The following C2CD3 variants were observed in gnomAD, a reference collection of about 807,000 sequenced individuals.
C2CD3 encodes the protein C2 domain-containing protein 3.
A neutral mutation model predicts 234.0 loss-of-function variants in C2CD3; 148 were observed. The ratio of observed to expected loss-of-function variants is 0.63; its 90% CI spans 0.55 to 0.72. The LOEUF (loss-of-function observed/expected upper bound fraction) is 0.72, where lower values mean the gene tolerates loss of function less well. Among genes scored for constraint, C2CD3 ranks in the 30% least tolerant of loss-of-function variants. C2CD3 has a pLI of 0.00. For synonymous variants in C2CD3, 1,000 were observed against 1,035.4 expected (o/e 0.97, Z 0.66); for missense variants, 2,577 against 2,811.5 (o/e 0.92, Z 1.89).
At chr11:74,131,245 C>T (rs1199451387) in intron 7 of C2CD3, among the ~76,000 whole-genome samples, 1 of 150,878 alleles carries the variant, frequency 6.6e-6, no homozygotes, top group African/African-American at 2.4e-5. Context: ...ATCACTTGAA[C>T]CCAGGAGGCA....
At chr11:74,123,543 G>T (rs1957294107) in intron 7 of C2CD3, among the ~76,000 whole-genome samples, 1 of 152,040 alleles carries the variant, frequency 6.6e-6, no homozygotes. Context: ...AAAATTCACA[G>T]ATACACCCAC....
chr11:74,015,712 T>G (rs1951854378), intron 32 of C2CD3, among the ~76,000 whole-genome samples: 1 of 152,172 alleles, frequency 6.6e-6, no homozygotes, highest in Non-Finnish European at 1.5e-5. Flanking sequence ...TTAGAGAGAC[T>G]TAGATGAGTC....
At chr11:74,048,115 C>T in intron 28 of C2CD3, 90 bp downstream of exon 28, 2 of 1,378,974 alleles carry the variant, frequency 1.5e-6, no homozygotes, top group Non-Finnish European at 2.0e-6. Flanking sequence ...TTGTTTTTTC[C>T]TCTAATAAAG....
intron 24 of C2CD3, among the ~76,000 whole-genome samples, chr11:74,059,791 TG>T (rs1251989942): frequency 2.0e-5 from 3 of 152,102 alleles, no homozygotes; most frequent in Admixed American, 6.5e-5. Context: ...TATCAGACAG[TG>T]GGTGCAGCCC....
At chr11:74,084,855 A>C in intron 22 of C2CD3, 26 bp downstream of exon 22, 1 of 1,387,632 alleles carries the variant, frequency 7.2e-7, no homozygotes, top group Non-Finnish European at 1.0e-6. Context: ...GGGTGGCATC[A>C]GAAAGTGATA....
chr11:74,051,681 G>A (rs1325354946), intron 26 of C2CD3, among the ~76,000 whole-genome samples: 1 of 152,114 alleles, frequency 6.6e-6, no homozygotes, highest in Non-Finnish European at 1.5e-5. Context: ...GTTCAGGTGT[G>A]CTCCAGGAAG....
chr11:74,106,838 G>A (rs1024628218), intron 12 of C2CD3, among the ~76,000 whole-genome samples: 2 of 152,172 alleles, frequency 1.3e-5, no homozygotes, highest in East Asian at 1.9e-4. Flanking sequence ...TAAAACTAGG[G>A]AAATTGTAAA....
chr11:74,056,346 A>G (rs1482627735), intron 25 of C2CD3, among the ~76,000 whole-genome samples: 4 of 152,250 alleles, frequency 2.6e-5, no homozygotes, highest in African/African-American at 9.6e-5. Context: ...ATGGCTTCCT[A>G]TGCCAGCCCC....
At chr11:74,053,690 G>C (rs116746964) in intron 26 of C2CD3, among the ~76,000 whole-genome samples, 4 of 152,206 alleles carry the variant, frequency 2.6e-5, no homozygotes, top group African/African-American at 7.2e-5. Flanking sequence ...ATACAAACGT[G>C]GGGGGAAGCC....
rs750071441 is a variant in C2CD3, at chr11:74,138,786, C to T, written c.889G>A (p.Ala297Thr). ...ATGCATGAGTCACTGTGACTCTTGGCAACTGTTCTAATTTGAGGCTGGAAT... is the reference window on the plus strand; with the variant it reads ...ATGCATGAGTCACTGTGACTCTTGGTAACTGTTCTAATTTGAGGCTGGAAT... ...SEFQPQIRTV[A>T]KSHSDSCILS... is the part of the protein sequence containing the mutation. Residue 297 changes from alanine (A) to threonine (T), a missense_variant, in exon 5 of 33, where the codon GCC (alanine) becomes ACC (threonine). Coordinates refer to ENST00000334126, the MANE Select transcript of C2CD3 (RefSeq NM_001286577.2). 6.2e-7 allele frequency: 1 copy of T among 1,612,602 alleles called. No individual in the cohort carries two copies. Among genetic ancestry groups the T allele is most frequent in the South Asian group, 1.1e-5 (1 of 91,032 alleles).
At chr11:74,079,373 C>CA (rs35288031) in intron 22 of C2CD3, among the ~76,000 whole-genome samples, 1 of 151,074 alleles carries the variant, frequency 6.6e-6, no homozygotes, top group African/African-American at 2.4e-5. Flanking sequence ...GGCCATTTTC[C>CA]AAAAAAAGGT....
chr11:74,087,663 A>G (rs1955701606), intron 20 of C2CD3, among the ~76,000 whole-genome samples: 1 of 152,036 alleles, frequency 6.6e-6, no homozygotes, highest in Admixed American at 6.6e-5. Context: ...ACAGTGAAGG[A>G]CTCTTAATAG....
intron 3 of C2CD3, among the ~76,000 whole-genome samples, chr11:74,160,761 AAAT>A (rs1856401660): frequency 6.6e-6 from 1 of 152,192 alleles, no homozygotes; most frequent in African/African-American, 2.4e-5. Context: ...CCACAAAGAA[AAAT>A]AATACATGTT....
intron 3 of C2CD3, among the ~76,000 whole-genome samples, chr11:74,159,194 G>C (rs1483080403): frequency 6.6e-6 from 1 of 152,132 alleles, no homozygotes; most frequent in Non-Finnish European, 1.5e-5. Flanking sequence ...TGCCAGTATA[G>C]CACATACAAT....
At chr11:74,114,976 A>G (rs1429525174) in intron 9 of C2CD3, among the ~76,000 whole-genome samples, 1 of 152,150 alleles carries the variant, frequency 6.6e-6, no homozygotes, top group African/African-American at 2.4e-5. Flanking sequence ...TGCTGGGATT[A>G]CAGGTGTGAA....
At chr11:74,035,687 G>A (rs1952707487) in intron 30 of C2CD3, among the ~76,000 whole-genome samples, 1 of 151,654 alleles carries the variant, frequency 6.6e-6, no homozygotes, top group South Asian at 2.1e-4. Context: ...GAGCATAATG[G>A]AGGCAGGGGC....
At chr11:74,062,081 AAAT>A (rs1954277147) in intron 24 of C2CD3, among the ~76,000 whole-genome samples, 2 of 152,220 alleles carry the variant, frequency 1.3e-5, no homozygotes, top group Admixed American at 6.5e-5. Flanking sequence ...TAACTATCCT[AAAT>A]ATATATGCAC....
chr11:74,152,954 A>G (rs958784592), intron 3 of C2CD3, among the ~76,000 whole-genome samples: 1 of 152,206 alleles, frequency 6.6e-6, no homozygotes, highest in African/African-American at 2.4e-5. Flanking sequence ...GATGCCAGAC[A>G]TGATGGCTCT....
At position 74,100,642 on chromosome 11, in the gene C2CD3, T is replaced by G. The variant is rs1956280906; in HGVS notation, c.2615A>C (p.Glu872Ala). 1 of 1,613,862 alleles carries G rather than the reference T, an allele frequency of 6.2e-7. No homozygotes were observed. The highest frequency in any genetic ancestry group is 8.5e-7 in the Non-Finnish European group (1 of 1,179,902). ...TACCATCACATTGTTCTTAAGCCTT[T>G]CCAGGTATTTGGAAGACAGAGAGAC... ...IPVSLSSKYL[E>A]RLKNNVMVIE... The change falls in exon 15 of 33, where the codon GAA (glutamate) becomes GCA (alanine). Residue 872 changes from glutamate (E) to alanine (A), a missense_variant. Physicochemically the swap from Glu to Ala is moderately radical, Grantham distance 107 (BLOSUM62 -1). Coordinates refer to ENST00000334126, the MANE Select transcript of C2CD3 (RefSeq NM_001286577.2).
Sources: gnomAD v4.1 joint callset for allele counts (sites outside exome capture counted in the v4.1 genomes callset) on GRCh38, gnomAD v4.1.1 for gene constraint, MANE v1.5 for transcripts, NCBI Gene and HGNC (gene_info 2026-07-23, HGNC 2026-07-21) for gene names.